HLF: variants seen among roughly 807,000 people sequenced by gnomAD.
HLF encodes hepatic leukemia factor.
A neutral mutation model predicts 22.6 loss-of-function variants in HLF; 3 were observed. That is an observed-to-expected ratio of 0.13 (90% CI 0.06 to 0.34). HLF has a LOEUF of 0.34. HLF is among the 10% of genes least tolerant of loss of function. The pLI is 1.00. For missense variants in HLF, 299 were observed against 389.2 expected, an observed-to-expected ratio of 0.77 and a Z score of 1.95; for synonymous variants, 151 against 151.8, an observed-to-expected ratio of 0.99 and a Z score of 0.04.
At chr17:55,305,597 G>T (rs1464044786) in intron 2 of HLF, among the ~76,000 whole-genome samples, 1 of 152,194 alleles carries the variant, frequency 6.6e-6, no homozygotes, top group Admixed American at 6.5e-5. Flanking sequence ...ACTCCACCCA[G>T]CCTCCCCCTG....
Position 55,321,202 on chromosome 17 carries a change from C to T in HLF, c.*323C>T, listed in dbSNP as rs987061261. The T allele has an allele frequency of 6.5e-5, 20 of 306,664 alleles. No homozygotes were observed. Among genetic ancestry groups the T allele is most frequent in the Non-Finnish European group, 1.2e-4 (19 of 162,342 alleles). The allele number at this position is 306,664 out of a possible 1,614,324, so 19.0% of individuals were successfully genotyped here. A position where few individuals can be genotyped will look rare whatever the true frequency, so the allele number is the denominator to read the frequency against. Reference sequence around the variant, plus strand: ...CTCTCGCGGGTCTCCCATCCCCTCCCTCCTTCACTCCTGCCTCCTCAGCTT... The same window carrying T: ...CTCTCGCGGGTCTCCCATCCCCTCCTTCCTTCACTCCTGCCTCCTCAGCTT... On this transcript the variant is annotated 3_prime_UTR_variant, in exon 4 of 4. Coordinates refer to ENST00000226067, the MANE Select transcript of HLF (RefSeq NM_002126.5).
intron 2 of HLF, among the ~76,000 whole-genome samples, chr17:55,310,266 G>A (rs971228287): frequency 1.3e-5 from 2 of 152,188 alleles, no homozygotes; most frequent in Admixed American, 6.5e-5. Context: ...TAACTGCAGA[G>A]GCTACATGAT....
chr17:55,300,240 T>A (rs1462228071), intron 2 of HLF, among the ~76,000 whole-genome samples: 3 of 152,224 alleles, frequency 2.0e-5, no homozygotes, highest in African/African-American at 4.8e-5. Flanking sequence ...CTTTGGTCAG[T>A]CCCGTTTCAC....
chr17:55,293,372 A>G (rs1464948605), intron 2 of HLF, among the ~76,000 whole-genome samples: 2 of 152,166 alleles, frequency 1.3e-5, no homozygotes. Context: ...CTCTGAGGAG[A>G]GAAGGCAGAG....
intron 2 of HLF, among the ~76,000 whole-genome samples, chr17:55,282,558 C>T (rs2080963968): frequency 6.6e-6 from 1 of 152,178 alleles, no homozygotes; most frequent in African/African-American, 2.4e-5. Flanking sequence ...AAAGGTAGGC[C>T]AGTTCCAAAG....
In HLF at chr17:55,265,009, C is replaced by T. The variant is rs12941105; in HGVS notation, c.-476C>T. ...GGGCGGCCGGATGCGCTGAGCCCGGCGCTGCGGGGCCGCGGAGCGCTGGGG... is the reference window on the plus strand; with the variant it reads ...GGGCGGCCGGATGCGCTGAGCCCGGTGCTGCGGGGCCGCGGAGCGCTGGGG... On this transcript the variant is annotated 5_prime_UTR_variant, in exon 1 of 4. Transcript: ENST00000226067. 2.4e-5 allele frequency: 4 copies of T among 169,426 alleles called. No individual in the cohort carries two copies. The highest frequency in any genetic ancestry group is 7.5e-5 in the African/African-American group (3 of 39,744). The allele number at this position is 169,426 out of a possible 1,614,324, so 10.5% of individuals were successfully genotyped here. A position where few individuals can be genotyped will look rare whatever the true frequency, so the allele number is the denominator to read the frequency against.
At chr17:55,294,382 C>T (rs148888149) in intron 2 of HLF, among the ~76,000 whole-genome samples, 7 of 152,300 alleles carry the variant, frequency 4.6e-5, no homozygotes, top group Non-Finnish European at 1.5e-5. Flanking sequence ...GCGTGTGGCC[C>T]TCAGCCAGGT....
chr17:55,316,294 T>C (rs1273023153), intron 3 of HLF, among the ~76,000 whole-genome samples: 1 of 152,198 alleles, frequency 6.6e-6, no homozygotes, highest in Non-Finnish European at 1.5e-5. Flanking sequence ...TATTATGTAG[T>C]CAAGGCCTTG....
At chr17:55,269,025 G>A (rs1393360911) in intron 2 of HLF, among the ~76,000 whole-genome samples, 1 of 152,218 alleles carries the variant, frequency 6.6e-6, no homozygotes, top group Non-Finnish European at 1.5e-5. Context: ...TCATCCGGAA[G>A]GTCACAGAGC....
At chr17:55,317,099 C>G (rs903856548) in intron 3 of HLF, among the ~76,000 whole-genome samples, 1 of 150,612 alleles carries the variant, frequency 6.6e-6, no homozygotes, top group Admixed American at 6.7e-5. Context: ...TCCTGAGTAA[C>G]TGAGACTACA....
At chr17:55,281,773 T>C (rs2080958066) in intron 2 of HLF, among the ~76,000 whole-genome samples, 1 of 152,246 alleles carries the variant, frequency 6.6e-6, no homozygotes, top group South Asian at 2.1e-4. Context: ...TGCCAAAGTA[T>C]GTTTTCTTTT....
intron 2 of HLF, among the ~76,000 whole-genome samples, chr17:55,306,421 G>A (rs1441763086): frequency 5.9e-5 from 9 of 152,066 alleles, no homozygotes. Context: ...GAGAATTGCT[G>A]GATAAGAGCC....
At chr17:55,315,890 G>A (rs1390504179) in intron 3 of HLF, among the ~76,000 whole-genome samples, 1 of 152,204 alleles carries the variant, frequency 6.6e-6, no homozygotes, top group Non-Finnish European at 1.5e-5. Flanking sequence ...CCTGTAGGCT[G>A]CGAGGAATAA....
chr17:55,308,683 G>T (rs924372105), intron 2 of HLF, among the ~76,000 whole-genome samples: 1 of 152,142 alleles, frequency 6.6e-6, no homozygotes, highest in African/African-American at 2.4e-5. Flanking sequence ...TTTAAATCCT[G>T]CTATAATGTT....
chr17:55,282,738 T>C (rs1479176617), intron 2 of HLF, among the ~76,000 whole-genome samples: 1 of 152,208 alleles, frequency 6.6e-6, no homozygotes, highest in Non-Finnish European at 1.5e-5. Flanking sequence ...TACTATGTGC[T>C]GGAAGACGAC....
At chr17:55,278,500 C>A (rs2080926043) in intron 2 of HLF, among the ~76,000 whole-genome samples, 1 of 151,054 alleles carries the variant, frequency 6.6e-6, no homozygotes, top group Middle Eastern at 3.2e-3. Context: ...GCACGCCTGT[C>A]CATTTGTACC....
At chr17:55,310,419 T>C (rs1279413138) in intron 2 of HLF, among the ~76,000 whole-genome samples, 1 of 152,226 alleles carries the variant, frequency 6.6e-6, no homozygotes, top group South Asian at 2.1e-4. Flanking sequence ...TAATACATTA[T>C]TTCTGGTTTT....
intron 3 of HLF, among the ~76,000 whole-genome samples, chr17:55,318,593 TA>T (rs1222142096): frequency 1.3e-5 from 2 of 152,074 alleles, no homozygotes; most frequent in Non-Finnish European, 2.9e-5. Flanking sequence ...CCCCATCACA[TA>T]CATGCAGTTT....
chr17:55,265,933 C>T, intron 1 of HLF: 1 of 931,174 alleles, frequency 1.1e-6, no homozygotes, highest in Non-Finnish European at 1.3e-6. Context: ...GCAGAGCGAG[C>T]CCGCCTGCGG....
Sources: gnomAD v4.1 joint callset for allele counts (sites outside exome capture counted in the v4.1 genomes callset) on GRCh38, gnomAD v4.1.1 for gene constraint, MANE v1.5 for transcripts, NCBI Gene and HGNC (gene_info 2026-07-23, HGNC 2026-07-21) for gene names.